The following CFAP36 variants were observed in gnomAD, a reference collection of about 807,000 sequenced individuals.
The protein encoded by CFAP36 is cilia and flagella associated protein 36, also known as cilia- and flagella-associated protein 36.
In CFAP36, 37 loss-of-function variants were observed where a neutral mutation model predicts 50.5. That is an observed-to-expected ratio of 0.73 (90% CI 0.56 to 0.96). The LOEUF is 0.96. Ranked by LOEUF, CFAP36 falls within the 50% of genes least tolerant of loss-of-function variation. The pLI is 0.00. For synonymous variants in CFAP36, 138 were observed against 128.2 expected, an observed-to-expected ratio of 1.08 and a Z score of -0.52; for missense variants, 407 against 396.2, an observed-to-expected ratio of 1.03 and a Z score of -0.23.
At chr2:55,534,379 A>C (rs1276642790) in intron 5 of CFAP36, among the ~76,000 whole-genome samples, 1 of 152,234 alleles carries the variant, frequency 6.6e-6, no homozygotes, top group Non-Finnish European at 1.5e-5. Flanking sequence ...CAGATTGAAT[A>C]GCTGACTTGG....
At chr2:55,540,832 G>A (rs548270452) in intron 7 of CFAP36, among the ~76,000 whole-genome samples, 10 of 151,856 alleles carry the variant, frequency 6.6e-5, no homozygotes, top group South Asian at 2.1e-4. Context: ...GCAATTTGGC[G>A]AAACCCTGTC....
chr2:55,528,665 G>C (rs994608512), intron 3 of CFAP36, among the ~76,000 whole-genome samples: 1 of 152,042 alleles, frequency 6.6e-6, no homozygotes, highest in African/African-American at 2.4e-5. Context: ...CAAAGTATTG[G>C]GTTTACAGGT....
Position 55,520,356 on chromosome 2 carries a change from G to C in CFAP36, c.115+440G>C, listed in dbSNP as rs549677372. ...CCTTATGATCCCTAGCATTTCGCCC[G>C]GTGTAGTCAGCTTAGGAAATGAGAA... On this transcript the variant is annotated intron_variant, in intron 1 of 9. Coordinates refer to ENST00000349456, the MANE Select transcript of CFAP36 (RefSeq NM_080667.7). 2.7e-6 allele frequency: 4 copies of C among 1,459,986 alleles called. No individual in the cohort carries two copies. In the African/African-American group the frequency reaches 5.7e-5, roughly 21 times the overall value. The allele number at this position is 1,459,986 out of a possible 1,614,324, so 90.4% of individuals were successfully genotyped here.
chr2:55,535,035 G>C (rs750808086), intron 5 of CFAP36, among the ~76,000 whole-genome samples: 4 of 152,220 alleles, frequency 2.6e-5, no homozygotes, highest in South Asian at 2.1e-4. Context: ...AAGGGTGTTT[G>C]GTTCAGAGGA....
At position 55,537,533 on chromosome 2, in the gene CFAP36, A is replaced by G. The variant is rs1684520863; in HGVS notation, c.588A>G (p.Ala196=). Residue 196 remains alanine, a synonymous_variant, in exon 7 of 10, where the codon GCA becomes GCG. Transcript: ENST00000349456. Reference sequence around the variant, plus strand: ...CCACAGTGCATTCCAGTGAAGCTGCAATAATGAATAATTCCCAAGGGGATG... The same window carrying G: ...CCACAGTGCATTCCAGTGAAGCTGCGATAATGAATAATTCCCAAGGGGATG... The part of the protein sequence containing the change: ...EEPTVHSSEA[A]IMNNSQGDGE... The G allele has an allele frequency of 6.2e-7, 1 of 1,613,810 alleles. No homozygotes were observed. Among genetic ancestry groups the G allele is most frequent in the Non-Finnish European group, 8.5e-7 (1 of 1,179,926 alleles).
rs1265991720 is a variant in CFAP36 at position 55,523,832 on chromosome 2, T to G, written c.282+10T>G. 1.3e-6 allele frequency: 2 copies of G among 1,574,014 alleles called. No individual in the cohort carries two copies. Among genetic ancestry groups the G allele is most frequent in the Non-Finnish European group, 1.7e-6 (2 of 1,152,080 alleles). On this transcript the variant is annotated intron_variant, in intron 3 of 9. Transcript: ENST00000349456. Reference sequence around the variant, plus strand: ...GACCCATACATCACAGGTTTTTGCTTTGTGTTATTCTGCTAACATACAGTT... The same window carrying G: ...GACCCATACATCACAGGTTTTTGCTGTGTGTTATTCTGCTAACATACAGTT...
intron 6 of CFAP36, among the ~76,000 whole-genome samples, chr2:55,537,011 G>A (rs1684506457): frequency 6.6e-6 from 1 of 151,684 alleles, no homozygotes; most frequent in African/African-American, 2.4e-5. Flanking sequence ...CCAAAATGTT[G>A]GGATTACAGA....
rs186663572 is a variant in CFAP36 at position 55,537,606 on chromosome 2, A to T, written c.640+21A>T. Reference sequence around the variant, plus strand: ...CTCAGGTAAGGTTGAGGTGTACTGAACTTTCTCTAATAATATGAATACATA... The same window carrying T: ...CTCAGGTAAGGTTGAGGTGTACTGATCTTTCTCTAATAATATGAATACATA... On this transcript the variant is annotated intron_variant, in intron 7 of 9. Coordinates refer to ENST00000349456, the MANE Select transcript of CFAP36 (RefSeq NM_080667.7). The T allele has an allele frequency of 2.6e-4, 386 of 1,472,736 alleles. 1 individual carries two copies. The Middle Eastern group carries it at 4.9e-3, about 19-fold the overall frequency. The allele number at this position is 1,472,736 out of a possible 1,614,324, so 91.2% of individuals were successfully genotyped here.
chr2:55,520,534 TC>T (rs1308943736), intron 1 of CFAP36: 1 of 1,386,804 alleles, frequency 7.2e-7, no homozygotes, highest in African/African-American at 1.5e-5. Context: ...GCAGGACCAT[TC>T]TTGGAACAAA....
chr2:55,523,620 CA>C, intron 2 of CFAP36, 100 bp from the exon 3 acceptor site: 1 of 663,558 alleles, frequency 1.5e-6, no homozygotes, highest in Admixed American at 3.1e-5. Context: ...TTAATATTTG[CA>C]AAAAATTCGA....
chr2:55,539,625 T>C (rs1684581035), intron 7 of CFAP36: 3 of 152,256 alleles, frequency 2.0e-5, no homozygotes, highest in African/African-American at 7.2e-5. Context: ...TCAGCTCCTT[T>C]GGGTAAATAC....
chr2:55,529,222 C>G (rs555333487), intron 4 of CFAP36, among the ~76,000 whole-genome samples: 5 of 151,984 alleles, frequency 3.3e-5, no homozygotes, highest in African/African-American at 1.2e-4. Context: ...GAGATCGAGA[C>G]CATCCCAGCT....
At chr2:55,527,457 C>T (rs1306325277) in intron 3 of CFAP36, among the ~76,000 whole-genome samples, 1 of 152,120 alleles carries the variant, frequency 6.6e-6, no homozygotes, top group Non-Finnish European at 1.5e-5. Context: ...TAGTGGGCAC[C>T]TGTAATCCCA....
At position 55,544,981 on chromosome 2, in the gene CFAP36, A is replaced by G; in HGVS notation, c.1002A>G (p.Lys334=). 1 of 1,597,894 alleles carries G rather than the reference A, an allele frequency of 6.3e-7. No individual in the cohort carries two copies. Among genetic ancestry groups the G allele is most frequent in the Non-Finnish European group, 8.5e-7 (1 of 1,170,886 alleles). Residue 334 remains lysine, a synonymous_variant, in exon 10 of 10, where the codon AAA becomes AAG. Transcript: ENST00000349456. ...TLLKRRLLAE[K]LKEEVINK is the part of the protein sequence containing the mutation. ...TAAAGAGGAGATTGCTTGCAGAGAA[A>G]CTCAAAGAAGAAGTTATTAATAAGT...
chr2:55,543,872 C>CCT, intron 7 of CFAP36, 66 bp from the exon 8 acceptor site: 1 of 1,458,088 alleles, frequency 6.9e-7, no homozygotes, highest in Non-Finnish European at 9.5e-7. Context: ...TTTCGGTAAA[C>CCT]CTAGCCTAAC....
chr2:55,527,188 A>T (rs571467079), intron 3 of CFAP36, among the ~76,000 whole-genome samples: 9 of 152,196 alleles, frequency 5.9e-5, no homozygotes, highest in Non-Finnish European at 1.3e-4. Flanking sequence ...CTGCAAGGAG[A>T]AATGGATGAA....
At chr2:55,533,817 AAT>A in intron 4 of CFAP36, 54 bp from the exon 5 acceptor site, 2 of 1,044,696 alleles carry the variant, frequency 1.9e-6, no homozygotes, top group African/African-American at 1.6e-5. Context: ...AACAGTGAGA[AAT>A]ATATGTTTTT....
At chr2:55,523,654 C>T in intron 2 of CFAP36, 67 bp from the exon 3 acceptor site, 7 of 1,000,902 alleles carry the variant, frequency 7.0e-6, no homozygotes, top group African/African-American at 1.6e-5. Flanking sequence ...AAACTAAATA[C>T]TTAATATGCA....
intron 1 of CFAP36, 48 bp from the exon 2 acceptor site, chr2:55,522,054 T>C: frequency 2.1e-6 from 2 of 957,794 alleles, no homozygotes; most frequent in Middle Eastern, 4.2e-4. Context: ...TTTGCATTAA[T>C]AAAATGATTT....
Sources: gnomAD v4.1 joint callset for allele counts (sites outside exome capture counted in the v4.1 genomes callset) on GRCh38, gnomAD v4.1.1 for gene constraint, MANE v1.5 for transcripts, NCBI Gene and HGNC (gene_info 2026-07-23, HGNC 2026-07-21) for gene names.